Variants in PLCB1 observed in about 807,000 individuals in gnomAD.
PLCB1 encodes 1-phosphatidylinositol 4,5-bisphosphate phosphodiesterase beta-1.
In PLCB1, 46 loss-of-function variants were observed where a neutral mutation model predicts 161.8. The observed-to-expected ratio is 0.28, with a 90% CI of 0.22 to 0.36. The LOEUF (loss-of-function observed/expected upper bound fraction) is 0.36, where lower values mean the gene tolerates loss of function less well. Ranked by LOEUF, PLCB1 falls within the 10% of genes least tolerant of loss-of-function variation. PLCB1 has a pLI of 1.00. For missense variants in PLCB1, 1,016 were observed against 1,472.5 expected (o/e 0.69, Z 5.07); for synonymous variants, 517 against 503.7 (o/e 1.03, Z -0.35).
rs1395696267 is a variant in PLCB1 at position 8,501,862 on chromosome 20, C to T, written c.247-126432C>T. On this transcript the variant is annotated intron_variant, in intron 3 of 31. Coordinates refer to ENST00000338037, the MANE Select transcript of PLCB1 (RefSeq NM_015192.4). ...ACTATTTTTTTTAAAAAAGATATAT[C>T]GCATATATATATATATATATATATA... Among the ~76,000 whole-genome samples the T allele has an allele frequency of 2.0e-4, 21 of 104,202 alleles. 1 individual carries two copies. Among genetic ancestry groups the T allele is most frequent in the Non-Finnish European group, 9.3e-5 (5 of 53,630 alleles). The allele number at this position is 104,202 out of a possible 152,430, so 68.4% of individuals were successfully genotyped here.
chr20:8,523,465 G>GCTCTCTCTCTCTCTCTCTCTCTCT (rs1174973173), intron 3 of PLCB1, among the ~76,000 whole-genome samples: 88 of 48,754 alleles, frequency 1.8e-3, no homozygotes, highest in Non-Finnish European at 2.7e-3. Context: ...TATATATTTG[G>GCTCTCTCTCTCTCTCTCTCTCTCT]CTCTCTCTCT....
At chr20:8,787,752 C>T (rs563443642) in intron 27 of PLCB1, among the ~76,000 whole-genome samples, 1 of 152,350 alleles carries the variant, frequency 6.6e-6, no homozygotes, top group South Asian at 2.1e-4. Flanking sequence ...ACAATTGATG[C>T]CCCCTTGGGG....
intron 2 of PLCB1, among the ~76,000 whole-genome samples, chr20:8,204,499 G>A (rs1568589398): frequency 6.6e-6 from 1 of 152,080 alleles, no homozygotes; most frequent in Admixed American, 6.6e-5. Context: ...TGGAGATGGG[G>A]CCTGGTGGAA....
At chr20:8,679,463 G>A (rs1331727761) in intron 9 of PLCB1, among the ~76,000 whole-genome samples, 4 of 152,062 alleles carry the variant, frequency 2.6e-5, no homozygotes, top group Non-Finnish European at 1.5e-5. Context: ...CCATAGCCCA[G>A]TAAATACTCA....
At chr20:8,823,361 G>A (rs1300754179) in intron 31 of PLCB1, among the ~76,000 whole-genome samples, 1 of 152,252 alleles carries the variant, frequency 6.6e-6, no homozygotes, top group East Asian at 1.9e-4. Flanking sequence ...GACCTCAGGT[G>A]ATCTGCCTGC....
chr20:8,515,025 G>A (rs1300365537), intron 3 of PLCB1, among the ~76,000 whole-genome samples: 3 of 151,964 alleles, frequency 2.0e-5, no homozygotes. Context: ...AGTGGACTTG[G>A]GCCCACTAAC....
At chr20:8,674,945 T>A (rs1264515721) in intron 9 of PLCB1, among the ~76,000 whole-genome samples, 1 of 152,210 alleles carries the variant, frequency 6.6e-6, no homozygotes, top group East Asian at 1.9e-4. Context: ...TGATTTATTT[T>A]ATCACCTTAG....
At chr20:8,333,038 G>C (rs1052890108) in intron 2 of PLCB1, among the ~76,000 whole-genome samples, 3 of 152,166 alleles carry the variant, frequency 2.0e-5, no homozygotes, top group African/African-American at 7.2e-5. Context: ...GGGACTACGT[G>C]ACCATTTCTC....
intron 31 of PLCB1, among the ~76,000 whole-genome samples, chr20:8,797,361 A>G (rs901797373): frequency 7.9e-5 from 12 of 152,074 alleles, no homozygotes. Context: ...CTAAACTATC[A>G]TGAAAGCAAA....
At chr20:8,658,189 A>G (rs1398074719) in intron 8 of PLCB1, among the ~76,000 whole-genome samples, 1 of 152,198 alleles carries the variant, frequency 6.6e-6, no homozygotes, top group East Asian at 1.9e-4. Context: ...ATGGAGTTGG[A>G]TGATTAAATC....
chr20:8,181,670 C>T (rs551129235), intron 2 of PLCB1, among the ~76,000 whole-genome samples: 2 of 152,152 alleles, frequency 1.3e-5, no homozygotes, highest in South Asian at 2.1e-4. Flanking sequence ...TAATGCCTAC[C>T]ATAGCTATTA....
intron 2 of PLCB1, among the ~76,000 whole-genome samples, chr20:8,270,687 C>A (rs1568612586): frequency 1.3e-5 from 2 of 152,082 alleles, no homozygotes; most frequent in Middle Eastern, 3.2e-3. Context: ...AGATGAAGAT[C>A]TTAAGTTTTC....
At chr20:8,430,755 C>G (rs908245852) in intron 3 of PLCB1, among the ~76,000 whole-genome samples, 2 of 152,074 alleles carry the variant, frequency 1.3e-5, no homozygotes, top group Non-Finnish European at 1.5e-5. Flanking sequence ...GAGTTTGATA[C>G]CAGCCCCTAT....
intron 19 of PLCB1, among the ~76,000 whole-genome samples, 196 bp from the exon 20 acceptor site, chr20:8,736,832 G>A (rs943473646): frequency 1.3e-5 from 2 of 152,182 alleles, no homozygotes; most frequent in Non-Finnish European, 2.9e-5. Context: ...AGATTTGGGT[G>A]AGGACATAGA....
At chr20:8,757,633 A>G (rs1981805422) in intron 24 of PLCB1, among the ~76,000 whole-genome samples, 1 of 152,004 alleles carries the variant, frequency 6.6e-6, no homozygotes, top group Non-Finnish European at 1.5e-5. Flanking sequence ...TTTCATATGG[A>G]TCATTTCAAT....
intron 19 of PLCB1, among the ~76,000 whole-genome samples, chr20:8,736,049 C>T (rs2123508301): frequency 6.6e-6 from 1 of 152,304 alleles, no homozygotes; most frequent in South Asian, 2.1e-4. Flanking sequence ...GTGAGCCCAG[C>T]CATAATGCTG....
intron 6 of PLCB1, among the ~76,000 whole-genome samples, chr20:8,648,879 T>G (rs1166083083): frequency 6.6e-6 from 1 of 150,378 alleles, no homozygotes; most frequent in African/African-American, 2.5e-5. Context: ...AAGTGGAGAC[T>G]GCAGTAAGCT....
At chr20:8,381,022 GT>G (rs1987236331) in intron 3 of PLCB1, among the ~76,000 whole-genome samples, 1 of 152,112 alleles carries the variant, frequency 6.6e-6, no homozygotes, top group Non-Finnish European at 1.5e-5. Flanking sequence ...TCTTGTATTG[GT>G]TTTCACAGAG....
At chr20:8,582,714 G>A (rs1467865824) in intron 3 of PLCB1, among the ~76,000 whole-genome samples, 8 of 152,180 alleles carry the variant, frequency 5.3e-5, no homozygotes, top group East Asian at 1.9e-4. Context: ...TTGGCTGGGC[G>A]AGGTGGCTCA....
Sources: allele counts gnomAD v4.1 joint callset (sites outside exome capture counted in the v4.1 genomes callset), GRCh38; gene constraint gnomAD v4.1.1; transcripts MANE v1.5; gene names NCBI Gene and HGNC (gene_info 2026-07-23, HGNC 2026-07-21).